Variants in LARP4B observed in about 807,000 individuals in gnomAD.
LARP4B encodes La ribonucleoprotein 4B.
Under a neutral mutation model 89.8 loss-of-function variants are expected in LARP4B, and 12 were observed. The observed-to-expected ratio is 0.13, with a 90% confidence interval of 0.09 to 0.22. The LOEUF is 0.22. Among genes scored for constraint, LARP4B ranks in the 10% least tolerant of loss-of-function variants. LARP4B has a pLI of 1.00. For missense variants in LARP4B, 757 were observed against 947.7 expected (o/e 0.80, Z 2.64); for synonymous variants, 367 against 363.3 (o/e 1.01, Z -0.12).
At chr10:927,357 C>T (rs907136351) in intron 1 of LARP4B, among the ~76,000 whole-genome samples, 12 of 152,142 alleles carry the variant, frequency 7.9e-5, no homozygotes, top group Non-Finnish European at 1.3e-4. Context: ...CTAAGGAAGG[C>T]ATTTACACAC....
chr10:935,482 G>A (rs1217239595), upstream of LARP4B, among the ~76,000 whole-genome samples: 1 of 151,964 alleles, frequency 6.6e-6, no homozygotes. Flanking sequence ...TTTCCTTCTG[G>A]GCCCTATTAT....
At chr10:835,039 C>CAAAAAAAAAAAAA (rs34825774) in intron 8 of LARP4B, among the ~76,000 whole-genome samples, 1 of 93,500 alleles carries the variant, frequency 1.1e-5, no homozygotes. Flanking sequence ...GACTCCGTCT[C>CAAAAAAAAAAAAA]AAAAAAAAAA....
intron 1 of LARP4B, among the ~76,000 whole-genome samples, chr10:916,418 G>A (rs1165652643): frequency 6.6e-6 from 1 of 152,034 alleles, no homozygotes; most frequent in Non-Finnish European, 1.5e-5. Context: ...GGTCTTGGCT[G>A]GGCGCGATGG....
At chr10:894,861 A>G (rs1332681727) in intron 1 of LARP4B, among the ~76,000 whole-genome samples, 3 of 152,222 alleles carry the variant, frequency 2.0e-5, no homozygotes, top group Non-Finnish European at 2.9e-5. Context: ...GGATCACTAT[A>G]GTATCCTCTC....
At position 812,850 on chromosome 10, in the gene LARP4B, G is replaced by A. The variant is rs199858821; in HGVS notation, c.*76C>T. The A allele has an allele frequency of 4.6e-6, 6 of 1,309,918 alleles. No individual in the cohort carries two copies. Among genetic ancestry groups the A allele is most frequent in the Admixed American group, 2.9e-5 (1 of 34,482 alleles). 81.1% of individuals were successfully genotyped at this position (1,309,918 alleles called of 1,614,324 possible). A position where few individuals can be genotyped will look rare whatever the true frequency, so the allele number is the denominator to read the frequency against. ...ACTGCAAGCTCCTAACCAGCGGCTCGCCCTCGCACTGAGTGGGAGAGTGTC... is the reference window on the plus strand; with the variant it reads ...ACTGCAAGCTCCTAACCAGCGGCTCACCCTCGCACTGAGTGGGAGAGTGTC... On this transcript the variant is annotated 3_prime_UTR_variant, in exon 18 of 18. Transcript: ENST00000316157.
chr10:835,705 C>T (rs1001536632), intron 8 of LARP4B, among the ~76,000 whole-genome samples: 6 of 152,136 alleles, frequency 3.9e-5, no homozygotes, highest in Non-Finnish European at 8.8e-5. Flanking sequence ...CTGCCCAAGT[C>T]GGGTGGATTA....
the LARP4B span, chr10:973,008 AAG>A: frequency 2.6e-6 from 1 of 391,742 alleles, no homozygotes; most frequent in Non-Finnish European, 5.1e-6. Flanking sequence ...GGGTGGGACA[AAG>A]AGGCAAGGAG....
the LARP4B span, among the ~76,000 whole-genome samples, chr10:968,273 G>GC: frequency 6.6e-6 from 1 of 152,202 alleles, no homozygotes; most frequent in Admixed American, 6.5e-5. Flanking sequence ...GGCTTTCCCA[G>GC]CAAGTAATGC....
At position 825,807 on chromosome 10, in the gene LARP4B, C is replaced by T. The variant is rs1832589075; in HGVS notation, c.1189G>A (p.Ala397Thr). ...TGTCTGAGAGAAGTCAGAGGAGACG[C>T]CGCAGGCTTGAACGCTGGAGACGTA... ...GFTSPAFKPA[A>T]SPLTSLRQYP... Residue 397 changes from alanine to threonine, a missense_variant, in exon 12 of 18, where the codon GCG (alanine) becomes ACG (threonine). Physicochemically the swap from Ala to Thr is moderately conservative, Grantham distance 58. Coordinates refer to ENST00000316157, the MANE Select transcript of LARP4B (RefSeq NM_015155.3). The T allele has an allele frequency of 1.9e-6, 3 of 1,613,986 alleles. No homozygotes were observed. Among genetic ancestry groups the T allele is most frequent in the Middle Eastern group, 1.6e-4 (1 of 6,062 alleles).
rs1384047487 is a variant in LARP4B, at chr10:825,873, A to G, written c.1126-3T>C. On this transcript the variant is annotated splice_polypyrimidine_tract_variant and splice_region_variant and intron_variant, in intron 11 of 17. Coordinates refer to ENST00000316157, the MANE Select transcript of LARP4B (RefSeq NM_015155.3). ...CCAGTATTTGGAAATGGAGTTACCTAGATTCATTTGAAAACAGACAAGTAA... is the reference window on the plus strand; with the variant it reads ...CCAGTATTTGGAAATGGAGTTACCTGGATTCATTTGAAAACAGACAAGTAA... 1 of 1,587,320 alleles carries G rather than the reference A, an allele frequency of 6.3e-7. No individual in the cohort carries two copies. The highest frequency in any genetic ancestry group is 8.6e-7 in the Non-Finnish European group (1 of 1,158,306).
chr10:894,471 G>A (rs930859649), intron 1 of LARP4B, among the ~76,000 whole-genome samples: 2 of 152,206 alleles, frequency 1.3e-5, no homozygotes, highest in Non-Finnish European at 2.9e-5. Context: ...ATAATCCAAT[G>A]TGATGTAAGA....
chr10:952,391 A>G, the LARP4B span, among the ~76,000 whole-genome samples: 1 of 147,156 alleles, frequency 6.8e-6, no homozygotes, highest in African/African-American at 2.5e-5. Flanking sequence ...TCCAGAACCA[A>G]CTGCATAACA....
At chr10:929,021 A>G (rs1338926984) in intron 1 of LARP4B, among the ~76,000 whole-genome samples, 1 of 152,234 alleles carries the variant, frequency 6.6e-6, no homozygotes, top group Non-Finnish European at 1.5e-5. Context: ...AAAAATGGCA[A>G]TCTTCCCGAA....
At chr10:865,427 T>C (rs1190521840) in intron 3 of LARP4B, among the ~76,000 whole-genome samples, 1 of 152,068 alleles carries the variant, frequency 6.6e-6, no homozygotes, top group Admixed American at 6.5e-5. Context: ...TCATTTGGAG[T>C]AAAAGACGAA....
chr10:975,970 A>C, the LARP4B span, among the ~76,000 whole-genome samples: 2,447 of 144,514 alleles, frequency 0.017, 17 homozygotes, highest in Admixed American at 0.034. Flanking sequence ...GACCCGGCCT[A>C]GTAGAAGGTA....
At chr10:873,411 A>AT in intron 3 of LARP4B, 1 of 985,162 alleles carries the variant, frequency 1.0e-6, no homozygotes, top group Non-Finnish European at 1.2e-6. Context: ...GCTGCGCTGT[A>AT]TTTTTTCTTA....
chr10:892,422 G>C (rs1418745079), intron 1 of LARP4B, among the ~76,000 whole-genome samples: 1 of 152,096 alleles, frequency 6.6e-6, no homozygotes, highest in Non-Finnish European at 1.5e-5. Flanking sequence ...TTTATTGCAT[G>C]ATTAAACAGT....
intron 5 of LARP4B, among the ~76,000 whole-genome samples, chr10:854,861 A>G (rs1834224741): frequency 6.6e-6 from 1 of 152,138 alleles, no homozygotes; most frequent in Non-Finnish European, 1.5e-5. Context: ...CCTAGATAAC[A>G]TTTCCTTCTA....
chr10:816,816 A>G (rs893989120), intron 15 of LARP4B, among the ~76,000 whole-genome samples: 1 of 152,190 alleles, frequency 6.6e-6, no homozygotes, highest in Non-Finnish European at 1.5e-5. Context: ...CATTGTAAAG[A>G]TACTGCATCA....
Sources: gnomAD v4.1 joint callset for allele counts (sites outside exome capture counted in the v4.1 genomes callset) on GRCh38, gnomAD v4.1.1 for gene constraint, MANE v1.5 for transcripts, NCBI Gene and HGNC (gene_info 2026-07-23, HGNC 2026-07-21) for gene names.